Variants in FAM107B observed in about 807,000 individuals in gnomAD.
The protein encoded by FAM107B is protein FAM107B.
FAM107B carries 21 observed loss-of-function variants against 31.5 expected under a neutral mutation model. The observed-to-expected ratio is 0.67, with a 90% confidence interval of 0.47 to 0.96. FAM107B has a LOEUF of 0.96. FAM107B is among the 40% of genes least tolerant of loss of function. The probability of loss-of-function intolerance (pLI) is 0.00; values close to 1 mark genes in which losing one functional copy is unlikely to be tolerated. For synonymous variants in FAM107B, 157 were observed against 141.5 expected (o/e 1.11, Z -0.78); for missense variants, 452 against 377.1 (o/e 1.20, Z -1.64).
chr10:14,703,518 A>G (rs892303572), intron 1 of FAM107B, among the ~76,000 whole-genome samples: 2 of 151,926 alleles, frequency 1.3e-5, no homozygotes, highest in Admixed American at 6.6e-5. Context: ...TATCTTTAGT[A>G]GAGACAGGGT....
intron 2 of FAM107B, among the ~76,000 whole-genome samples, chr10:14,585,913 G>C: frequency 6.6e-6 from 1 of 152,128 alleles, no homozygotes; most frequent in African/African-American, 2.4e-5. Context: ...CCTGGACCAG[G>C]CTCGTCCCAA....
intron 2 of FAM107B, among the ~76,000 whole-genome samples, chr10:14,659,103 C>G (rs149976250): frequency 6.6e-6 from 1 of 152,210 alleles, no homozygotes; most frequent in East Asian, 1.9e-4. Flanking sequence ...TCTACTATCC[C>G]CAGTAGCATT....
chr10:14,523,051 A>G (rs78755911), intron 3 of FAM107B, among the ~76,000 whole-genome samples: 1,607 of 152,344 alleles, frequency 0.011, 20 homozygotes, highest in African/African-American at 0.036. Context: ...ACAGGCCATG[A>G]ACTAGCCACC....
intron 2 of FAM107B, among the ~76,000 whole-genome samples, chr10:14,562,494 A>T (rs141623309): frequency 6.1e-4 from 93 of 152,348 alleles, no homozygotes; most frequent in Middle Eastern, 6.8e-3. Flanking sequence ...TTCTGTAGGC[A>T]TCTTAATTAT....
At chr10:14,557,203 T>C (rs954528120) in intron 2 of FAM107B, among the ~76,000 whole-genome samples, 5 of 152,242 alleles carry the variant, frequency 3.3e-5, no homozygotes, top group African/African-American at 1.2e-4. Flanking sequence ...AATTGTTTAA[T>C]TTATTGCCAG....
chr10:14,565,041 G>A (rs775431767), intron 2 of FAM107B, among the ~76,000 whole-genome samples: 55 of 152,268 alleles, frequency 3.6e-4, no homozygotes, highest in African/African-American at 2.2e-4. Flanking sequence ...GCAAAATAGC[G>A]AGACCCTGTC....
chr10:14,578,824 T>C (rs190804353), intron 2 of FAM107B, among the ~76,000 whole-genome samples: 10 of 152,312 alleles, frequency 6.6e-5, no homozygotes, highest in African/African-American at 2.4e-4. Context: ...GAACAAACAA[T>C]GACGATCAAA....
chr10:14,610,750 AC>A (rs1852705404), intron 2 of FAM107B, among the ~76,000 whole-genome samples: 1 of 152,240 alleles, frequency 6.6e-6, no homozygotes, highest in Non-Finnish European at 1.5e-5. Context: ...AACAGCACCA[AC>A]AGTAAAGATG....
At chr10:14,562,170 T>C (rs536157299) in intron 2 of FAM107B, among the ~76,000 whole-genome samples, 1 of 152,364 alleles carries the variant, frequency 6.6e-6, no homozygotes, top group East Asian at 1.9e-4. Flanking sequence ...GTAATGATGA[T>C]ATTAACCAGT....
At chr10:14,748,374 T>C (rs745386334) in intron 1 of FAM107B, among the ~76,000 whole-genome samples, 2 of 152,206 alleles carry the variant, frequency 1.3e-5, no homozygotes, top group Non-Finnish European at 2.9e-5. Context: ...TTTCCTTCTA[T>C]GTCTATGGAA....
At chr10:14,559,893 A>G (rs559398340) in intron 2 of FAM107B, among the ~76,000 whole-genome samples, 2 of 152,120 alleles carry the variant, frequency 1.3e-5, no homozygotes, top group South Asian at 4.2e-4. Context: ...TTTGTGTAGT[A>G]TTGGATTAAA....
intron 2 of FAM107B, among the ~76,000 whole-genome samples, chr10:14,663,930 C>A (rs1180832819): frequency 7.1e-6 from 1 of 141,660 alleles, no homozygotes; most frequent in African/African-American, 2.6e-5. Context: ...GAACTCCAAG[C>A]AAGTATCACT....
chr10:14,628,366 C>T (rs1020491651), intron 2 of FAM107B, among the ~76,000 whole-genome samples: 1 of 152,092 alleles, frequency 6.6e-6, no homozygotes, highest in Non-Finnish European at 1.5e-5. Context: ...GATCCACCTG[C>T]CTTGATCTCC....
At chr10:14,570,135 T>C (rs1851069531) in intron 2 of FAM107B, among the ~76,000 whole-genome samples, 1 of 152,188 alleles carries the variant, frequency 6.6e-6, no homozygotes, top group Admixed American at 6.5e-5. Context: ...TGTGAATGCA[T>C]ACAAGGTAAT....
At chr10:14,603,169 A>G (rs1852460204) in intron 2 of FAM107B, among the ~76,000 whole-genome samples, 1 of 152,158 alleles carries the variant, frequency 6.6e-6, no homozygotes, top group South Asian at 2.1e-4. Context: ...TTCTCATGAA[A>G]AGTTTTAAAC....
At chr10:14,749,770 G>T (rs2131580862) in intron 1 of FAM107B, among the ~76,000 whole-genome samples, 1 of 152,266 alleles carries the variant, frequency 6.6e-6, no homozygotes, top group Middle Eastern at 3.4e-3. Flanking sequence ...CCCTAAAATT[G>T]CCAGCAACCA....
At chr10:14,771,002 A>C (rs1387320238) in intron 1 of FAM107B, among the ~76,000 whole-genome samples, 1 of 146,240 alleles carries the variant, frequency 6.8e-6, no homozygotes, top group Non-Finnish European at 1.5e-5. Flanking sequence ...AAAAAAAAAA[A>C]AAGATTATTT....
At chr10:14,759,046 C>T (rs1406414377) in intron 1 of FAM107B, among the ~76,000 whole-genome samples, 1 of 151,520 alleles carries the variant, frequency 6.6e-6, no homozygotes, top group African/African-American at 2.4e-5. Context: ...GGTGTGGTGG[C>T]GCATGACTGT....
chr10:14,665,019 C>T (rs534821634), intron 2 of FAM107B, among the ~76,000 whole-genome samples: 2 of 152,292 alleles, frequency 1.3e-5, no homozygotes, highest in African/African-American at 2.4e-5. Flanking sequence ...CCAAAGTCTG[C>T]GGACCCAAGC....
Sources: allele counts gnomAD v4.1 joint callset (sites outside exome capture counted in the v4.1 genomes callset), GRCh38; gene constraint gnomAD v4.1.1; transcripts MANE v1.5; gene names NCBI Gene and HGNC (gene_info 2026-07-23, HGNC 2026-07-21).